Variants in LIPA observed in about 807,000 individuals in gnomAD.
The protein encoded by LIPA is lipase A, lysosomal acid type, also known as lysosomal acid lipase/cholesteryl ester hydrolase.
In LIPA, 26 loss-of-function variants were observed where a neutral mutation model predicts 40.6. The observed-to-expected ratio is 0.64, with a 90% CI of 0.47 to 0.89. The LOEUF (loss-of-function observed/expected upper bound fraction) is 0.89. LIPA is among the 40% of genes least tolerant of loss of function. LIPA has a pLI of 0.00. For synonymous variants in LIPA, 188 were observed against 168.4 expected (o/e 1.12, Z -0.90); for missense variants, 455 against 479.6 (o/e 0.95, Z 0.48).
intron 2 of LIPA, among the ~76,000 whole-genome samples, chr10:89,411,263 T>C (rs1032559958): frequency 4.6e-5 from 7 of 151,530 alleles, no homozygotes; most frequent in Admixed American, 1.3e-4. Flanking sequence ...ACAGGACGGA[T>C]AGATGGTTCC....
intron 1 of LIPA, chr10:89,338,771 G>A (rs1417249863): frequency 1.9e-6 from 3 of 1,613,946 alleles, no homozygotes; most frequent in Non-Finnish European, 2.5e-6. Context: ...GATAGAGTGT[G>A]TAACCAGATT....
intron 1 of LIPA, among the ~76,000 whole-genome samples, chr10:89,336,176 A>G (rs577328188): frequency 1.8e-4 from 27 of 148,608 alleles, no homozygotes; most frequent in African/African-American, 6.4e-4. Flanking sequence ...GAGGGAGGGA[A>G]GGAAGGAAGG....
chr10:89,295,016 GAAAT>G (rs1843404306), intron 1 of LIPA, among the ~76,000 whole-genome samples: 3 of 94,588 alleles, frequency 3.2e-5, no homozygotes, highest in East Asian at 1.1e-3. Flanking sequence ...GAAAGGAAAT[GAAAT>G]GAAAGGAAAG....
chr10:89,232,129 T>C (rs1452089228), intron 3 of LIPA, among the ~76,000 whole-genome samples: 1 of 152,218 alleles, frequency 6.6e-6, no homozygotes, highest in Non-Finnish European at 1.5e-5. Flanking sequence ...CATTAAATTA[T>C]AGTTGAAAAA....
chr10:89,375,785 T>TA (rs1844116637), intron 2 of LIPA, among the ~76,000 whole-genome samples: 1 of 152,180 alleles, frequency 6.6e-6, no homozygotes, highest in Admixed American at 6.5e-5. Flanking sequence ...CTTTTATTAT[T>TA]AGAGTATACT....
chr10:89,356,352 G>A (rs1313500292), intron 2 of LIPA, among the ~76,000 whole-genome samples: 1 of 152,080 alleles, frequency 6.6e-6, no homozygotes, highest in Non-Finnish European at 1.5e-5. Context: ...CAATCCCTGG[G>A]CTACAGACTG....
chr10:89,312,926 G>A (rs1007189297), intron 1 of LIPA, among the ~76,000 whole-genome samples: 17 of 152,080 alleles, frequency 1.1e-4, no homozygotes, highest in Admixed American at 1.0e-3. Context: ...AATTATCCAA[G>A]AAGGAGACAT....
chr10:89,255,865 A>G (rs1357631035), upstream of LIPA, among the ~76,000 whole-genome samples: 1 of 152,254 alleles, frequency 6.6e-6, no homozygotes, highest in East Asian at 1.9e-4. Flanking sequence ...AACAGAGGAC[A>G]TGGTTACACA....
At chr10:89,277,031 T>C (rs1016935857) in intron 1 of LIPA, among the ~76,000 whole-genome samples, 10 of 152,344 alleles carry the variant, frequency 6.6e-5, no homozygotes, top group Admixed American at 3.9e-4. Flanking sequence ...ACTAAATGTT[T>C]ATTGAATATA....
At chr10:89,333,343 G>A (rs1843678925) in intron 1 of LIPA, among the ~76,000 whole-genome samples, 1 of 152,096 alleles carries the variant, frequency 6.6e-6, no homozygotes, top group African/African-American at 2.4e-5. Context: ...ACAGAAATAA[G>A]GTCCAGAAAC....
Position 89,394,629 on chromosome 10 carries a change from A to ATATAT in LIPA, c.61+18161_61+18162insATATA, listed in dbSNP as rs1429080862. On this transcript the variant is annotated intron_variant, in intron 2 of 8. Transcript: ENST00000371837. ...ATATATATATATATATATATATATA[A>ATATAT]AACTTGAATTTTATTCAGGTTAGCA... Among the ~76,000 whole-genome samples the ATATAT allele has an allele frequency of 2.3e-3, 61 of 26,234 alleles. 8 individuals carry two copies. Among genetic ancestry groups the ATATAT allele is most frequent in the African/African-American group, 9.3e-3 (55 of 5,926 alleles). 17.2% of individuals were successfully genotyped at this position (26,234 alleles called of 152,430 possible).
intron 1 of LIPA, among the ~76,000 whole-genome samples, chr10:89,310,111 C>A (rs1309117039): frequency 2.6e-5 from 4 of 152,198 alleles, no homozygotes; most frequent in African/African-American, 9.7e-5. Context: ...TCTCTGCCAA[C>A]AATGTTTTCA....
chr10:89,401,886 A>C (rs1301931341), intron 2 of LIPA, among the ~76,000 whole-genome samples: 2 of 152,186 alleles, frequency 1.3e-5, no homozygotes, highest in Non-Finnish European at 2.9e-5. Context: ...ATGTTTCCTA[A>C]GGTTCTGCAT....
intron 2 of LIPA, among the ~76,000 whole-genome samples, chr10:89,373,310 G>A (rs1844102973): frequency 7.1e-6 from 1 of 139,916 alleles, no homozygotes; most frequent in African/African-American, 2.8e-5. Flanking sequence ...ACTCCAGCCT[G>A]GGCGACAGAG....
rs148833088 is a variant in LIPA at position 89,322,950 on chromosome 10, C to T, written c.-2+19661G>A. On this transcript the variant is annotated intron_variant, in intron 1 of 5. Coordinates refer to the LIPA transcript ENST00000282673. ...TCCATCCCAGTGGTTCCACTTCTGT[C>T]TGAATTCAGCCAGAGAGCACAGCCT... Among the ~76,000 whole-genome samples, 11 of 152,300 alleles carry T rather than the reference C, an allele frequency of 7.2e-5. No homozygotes were observed. In the East Asian group the frequency reaches 2.1e-3, roughly 29 times the overall value.
intron 3 of LIPA, among the ~76,000 whole-genome samples, chr10:89,245,418 C>T (rs1843011036): frequency 1.3e-5 from 2 of 152,056 alleles, no homozygotes. Context: ...TCATTAAATA[C>T]ACTTCCTTAA....
intron 1 of LIPA, among the ~76,000 whole-genome samples, chr10:89,287,766 C>T (rs1160923694): frequency 2.0e-5 from 3 of 152,184 alleles, no homozygotes; most frequent in Admixed American, 2.0e-4. Flanking sequence ...AGCCTATAAA[C>T]TCTCCTTACA....
intron 1 of LIPA, chr10:89,306,392 C>T (rs368254015): frequency 9.3e-6 from 15 of 1,613,954 alleles, no homozygotes; most frequent in South Asian, 2.2e-5. Context: ...AGGGTGGACA[C>T]GGTTAAAGTG....
chr10:89,229,175 T>G (rs1056037464), intron 3 of LIPA, among the ~76,000 whole-genome samples: 3 of 151,978 alleles, frequency 2.0e-5, no homozygotes, highest in African/African-American at 7.2e-5. Context: ...TACTCAGCCC[T>G]AAAAGGAAAT....
Sources: allele counts gnomAD v4.1 joint callset (sites outside exome capture counted in the v4.1 genomes callset), GRCh38; gene constraint gnomAD v4.1.1; transcripts MANE v1.5; gene names NCBI Gene and HGNC (gene_info 2026-07-23, HGNC 2026-07-21).